Variants in CNTNAP5 observed in about 807,000 individuals in gnomAD.
The protein encoded by CNTNAP5 is contactin associated protein family member 5.
CNTNAP5 carries 72 observed loss-of-function variants against 150.2 expected under a neutral mutation model. The observed-to-expected ratio is 0.48, with a 90% CI of 0.40 to 0.58. CNTNAP5 has a LOEUF of 0.58. Among genes scored for constraint, CNTNAP5 ranks in the 20% least tolerant of loss-of-function variants. CNTNAP5 has a pLI of 0.00. For synonymous variants in CNTNAP5, 672 were observed against 619.8 expected, an observed-to-expected ratio of 1.08 and a Z score of -1.25; for missense variants, 1,636 against 1,626.2, an observed-to-expected ratio of 1.01 and a Z score of -0.10.
At chr2:124,321,222 G>A (rs1456228543) in intron 3 of CNTNAP5, among the ~76,000 whole-genome samples, 2 of 152,044 alleles carry the variant, frequency 1.3e-5, no homozygotes, top group African/African-American at 2.4e-5. Context: ...CAGGCGGATC[G>A]CCTGAGGTTG....
At chr2:124,600,250 T>C (rs1250056880) in intron 11 of CNTNAP5, among the ~76,000 whole-genome samples, 2 of 152,120 alleles carry the variant, frequency 1.3e-5, no homozygotes, top group Non-Finnish European at 2.9e-5. Flanking sequence ...AGAGGAACTC[T>C]TTGTCGTTTA....
rs572953597 is a variant in CNTNAP5, at chr2:124,307,233, C to G, written c.381+64840C>G. ...TAGCTATATTGTCACATGGCCCTTC[C>G]TTGGTGAGACAGAGAGAAAGAGAGA... On this transcript the variant is annotated intron_variant, in intron 3 of 23. Transcript: ENST00000682447. Among the ~76,000 whole-genome samples, 5 of 152,202 alleles carry G rather than the reference C, an allele frequency of 3.3e-5. No individual in the cohort carries two copies. In the South Asian group the frequency reaches 6.2e-4, roughly 19 times the overall value.
chr2:124,682,604 G>A (rs557836685), intron 13 of CNTNAP5, among the ~76,000 whole-genome samples: 19 of 152,264 alleles, frequency 1.2e-4, no homozygotes, highest in Non-Finnish European at 1.8e-4. Context: ...ACATCTTCCC[G>A]AGGCTCAGTA....
At chr2:124,527,559 A>G in intron 10 of CNTNAP5, 103 bp downstream of exon 10, 1 of 867,106 alleles carries the variant, frequency 1.2e-6, no homozygotes, top group Non-Finnish European at 1.7e-6. Context: ...GACATTAGCC[A>G]CATTAGACAT....
At chr2:124,381,725 T>C (rs936357839) in intron 3 of CNTNAP5, among the ~76,000 whole-genome samples, 3 of 152,202 alleles carry the variant, frequency 2.0e-5, no homozygotes, top group Non-Finnish European at 4.4e-5. Context: ...CCTACAAGTG[T>C]ATTTGCTCCA....
At chr2:124,247,146 A>G (rs1415586332) in intron 3 of CNTNAP5, among the ~76,000 whole-genome samples, 2 of 152,146 alleles carry the variant, frequency 1.3e-5, no homozygotes, top group African/African-American at 4.8e-5. Flanking sequence ...TTCATGATTT[A>G]TACACATTTA....
At chr2:124,770,003 T>C (rs985445028) in intron 16 of CNTNAP5, among the ~76,000 whole-genome samples, 7 of 152,212 alleles carry the variant, frequency 4.6e-5, no homozygotes, top group African/African-American at 1.7e-4. Flanking sequence ...TTACTGATTT[T>C]ATTGAATTTT....
intron 19 of CNTNAP5, among the ~76,000 whole-genome samples, chr2:124,842,252 C>T (rs1395905058): frequency 6.6e-6 from 1 of 152,046 alleles, no homozygotes; most frequent in Admixed American, 6.6e-5. Flanking sequence ...TTTAGTAGCT[C>T]GATGAAATCT....
At chr2:124,406,428 G>A (rs541152589) in intron 3 of CNTNAP5, among the ~76,000 whole-genome samples, 15 of 151,866 alleles carry the variant, frequency 9.9e-5, no homozygotes, top group African/African-American at 2.2e-4. Flanking sequence ...GGTTTTGTTC[G>A]CATATATTTT....
chr2:124,386,176 T>G (rs771993510), intron 3 of CNTNAP5, among the ~76,000 whole-genome samples: 2 of 152,182 alleles, frequency 1.3e-5, no homozygotes, highest in South Asian at 4.1e-4. Context: ...CTTTGTATGA[T>G]AGCTGCGCAG....
At chr2:124,208,812 A>G (rs553617123) in intron 1 of CNTNAP5, among the ~76,000 whole-genome samples, 1 of 152,222 alleles carries the variant, frequency 6.6e-6, no homozygotes, top group Non-Finnish European at 1.5e-5. Flanking sequence ...CATGTTCTAA[A>G]TATCATTTCC....
chr2:124,219,008 A>C (rs1347914121), intron 1 of CNTNAP5, among the ~76,000 whole-genome samples: 1 of 152,138 alleles, frequency 6.6e-6, no homozygotes, highest in Non-Finnish European at 1.5e-5. Flanking sequence ...TATTGGTTGG[A>C]CTGAATTAAT....
intron 3 of CNTNAP5, among the ~76,000 whole-genome samples, chr2:124,285,860 C>T (rs80324880): frequency 0.076 from 11,528 of 151,936 alleles, 597 homozygotes; most frequent in Non-Finnish European, 0.12. Flanking sequence ...GAGAGAAAAC[C>T]CTGGGTATGT....
At chr2:124,477,972 G>A (rs190702345) in intron 7 of CNTNAP5, among the ~76,000 whole-genome samples, 21 of 151,744 alleles carry the variant, frequency 1.4e-4, no homozygotes, top group Admixed American at 9.2e-4. Context: ...TCATAAACTG[G>A]GGCTTAAAAG....
At chr2:124,853,895 G>A (rs1270591735) in intron 19 of CNTNAP5, among the ~76,000 whole-genome samples, 1 of 152,156 alleles carries the variant, frequency 6.6e-6, no homozygotes, top group Non-Finnish European at 1.5e-5. Context: ...ACTTACAAGT[G>A]AGAACATGAG....
chr2:124,295,331 T>C (rs1012339212), intron 3 of CNTNAP5, among the ~76,000 whole-genome samples: 7 of 152,142 alleles, frequency 4.6e-5, no homozygotes, highest in Admixed American at 3.3e-4. Flanking sequence ...ATGGATTATG[T>C]GGTGTACAGA....
chr2:124,884,968 G>T (rs1232301710), intron 21 of CNTNAP5, among the ~76,000 whole-genome samples: 1 of 152,026 alleles, frequency 6.6e-6, no homozygotes, highest in Admixed American at 6.6e-5. Context: ...AAAGACTTTT[G>T]GATGCTAAGT....
chr2:124,430,358 G>T (rs954945430), intron 4 of CNTNAP5, among the ~76,000 whole-genome samples: 2 of 152,154 alleles, frequency 1.3e-5, no homozygotes, highest in African/African-American at 4.8e-5. Context: ...TTCCTCAAAG[G>T]TTAATTGATG....
In CNTNAP5 at chr2:124,656,060, C is replaced by CA. The variant is rs35504704; in HGVS notation, c.2077+8118dup. 9.5e-4 allele frequency among the ~76,000 whole-genome samples: 117 copies of CA among 123,420 alleles called. 1 individual carries two copies. Among genetic ancestry groups the CA allele is most frequent in the East Asian group, 5.6e-3 (21 of 3,736 alleles). 81.0% of individuals were successfully genotyped at this position (123,420 alleles called of 152,430 possible). ...TTGGTGACAGAATAAGACTTTATCT[C>CA]AAAAAAAAAAAAAAAAGAAAAAGTC... On this transcript the variant is annotated intron_variant, in intron 13 of 23. Coordinates refer to ENST00000682447, the MANE Select transcript of CNTNAP5 (RefSeq NM_001367498.1).
Sources: gnomAD v4.1 joint callset for allele counts (sites outside exome capture counted in the v4.1 genomes callset) on GRCh38, gnomAD v4.1.1 for gene constraint, MANE v1.5 for transcripts, NCBI Gene and HGNC (gene_info 2026-07-23, HGNC 2026-07-21) for gene names.